The following SYNE2 variants were observed in gnomAD, a reference collection of about 807,000 sequenced individuals.
SYNE2 encodes spectrin repeat containing nuclear envelope protein 2.
SYNE2 carries 431 observed loss-of-function variants against 856.3 expected under a neutral mutation model. The observed-to-expected ratio is 0.50, with a 90% CI of 0.47 to 0.55. SYNE2 has a LOEUF of 0.55. Among genes scored for constraint, SYNE2 ranks in the 20% least tolerant of loss-of-function variants. The pLI is 0.00. For missense variants in SYNE2, 8,129 were observed against 8,023.2 expected (o/e 1.01, Z -0.50); for synonymous variants, 2,923 against 2,872.3 (o/e 1.02, Z -0.56).
chr14:64,000,658 A>G lies in SYNE2; in HGVS notation c.3577A>G (p.Ile1193Val), dbSNP rs372161060. ...GAATGACATAAAAAAGCCTTTTGTA[A>G]TTAAGGAAAGAGACACACTAAAGGA... ...HVNDIKKPFV[I>V]KERDTLKERE... Residue 1193 changes from isoleucine to valine, a missense_variant, in exon 28 of 116, where the codon ATT becomes GTT. Ile to Val is a conservative substitution (Grantham distance 29, BLOSUM62 3). Around this residue, in one of 3 missense-constraint regions of SYNE2, gnomAD observed 2,422 missense variants for 2,357.4 expected, o/e 1.03. Transcript: ENST00000555002. 1.1e-5 allele frequency: 18 copies of G among 1,613,618 alleles called. No individual in the cohort carries two copies. In the Middle Eastern group the frequency reaches 6.6e-4, roughly 59 times the overall value.
In SYNE2 at chr14:63,883,059, T is replaced by G. The variant is rs117725001; in HGVS notation, c.-51-26039T>G. Among the ~76,000 whole-genome samples, 169 of 152,200 alleles carry G rather than the reference T, an allele frequency of 1.1e-3. 2 individuals are homozygous for G. In the South Asian group the frequency reaches 0.016, roughly 15 times the overall value. On this transcript the variant is annotated intron_variant, in intron 1 of 115. Transcript: ENST00000555002. ...ATGCTTCAGTTCTTTCTTTTACATT[T>G]TATTTATTTATTTTTTTGAGATGGA...
intron 65 of SYNE2, among the ~76,000 whole-genome samples, chr14:64,111,684 G>C (rs2097808923): frequency 6.6e-6 from 1 of 152,016 alleles, no homozygotes; most frequent in Non-Finnish European, 1.5e-5. Flanking sequence ...TGTAATCCCA[G>C]TTCCTTGGGA....
chr14:63,994,988 A>T, intron 22 of SYNE2, 56 bp from the exon 23 acceptor site: 1 of 1,158,452 alleles, frequency 8.6e-7, no homozygotes. Context: ...TACTATAAAT[A>T]CTTTTTTGTA....
Position 64,056,086 on chromosome 14 carries a change from C to T in SYNE2, c.9887C>T (p.Pro3296Leu), listed in dbSNP as rs1431711999. 1 of 1,614,156 alleles carries T rather than the reference C, an allele frequency of 6.2e-7. No homozygotes were observed. Residue 3296 changes from proline (P) to leucine (L), a missense_variant, in exon 49 of 116, where the codon CCT becomes CTT. This residue lies in a region of SYNE2 where 5,410 missense variants were observed against 5,284.8 expected (regional missense o/e 1.02). Transcript: ENST00000555002. ...AATCCAGAAGAATCTTTAGAGATGC[C>T]TCTTCGAAAACAAGAGGAATTGGAA... ...VGNPEESLEM[P>L]LRKQEELEST...
At chr14:63,807,855 AT>A (rs1888436231) in intron 1 of SYNE2, among the ~76,000 whole-genome samples, 3 of 104,772 alleles carry the variant, frequency 2.9e-5, no homozygotes, top group South Asian at 7.5e-4. Context: ...ATATATATAT[AT>A]ATATATATAA....
chr14:63,771,124 C>T (rs891526952), intron 1 of SYNE2, among the ~76,000 whole-genome samples: 1 of 145,946 alleles, frequency 6.9e-6, no homozygotes, highest in Non-Finnish European at 1.5e-5. Context: ...GGCGGGAGCG[C>T]AGTGGCGCAA....
chr14:63,765,103 GGA>G (rs1886624077), intron 1 of SYNE2, among the ~76,000 whole-genome samples: 1 of 152,124 alleles, frequency 6.6e-6, no homozygotes, highest in Non-Finnish European at 1.5e-5. Flanking sequence ...TAAGGGTACG[GGA>G]GAGAGGGGGA....
intron 108 of SYNE2, chr14:64,218,149 T>A (rs2098675823): frequency 2.2e-6 from 1 of 458,686 alleles, no homozygotes; most frequent in Non-Finnish European, 4.0e-6. Context: ...CAGACCCTTT[T>A]CTTCCCATCA....
intron 101 of SYNE2, chr14:64,209,149 T>C (rs2098626457): frequency 1.2e-6 from 1 of 848,962 alleles, no homozygotes; most frequent in African/African-American, 1.7e-5. Context: ...CTGTGTGGGG[T>C]GTGGCTGTGG....
intron 8 of SYNE2, among the ~76,000 whole-genome samples, chr14:63,961,204 T>C (rs2096308930): frequency 6.6e-6 from 1 of 152,244 alleles, no homozygotes; most frequent in Non-Finnish European, 1.5e-5. Flanking sequence ...AGGAATGCTT[T>C]ATTTTCTCCT....
At chr14:64,017,956 A>G (rs894193830) in intron 34 of SYNE2, among the ~76,000 whole-genome samples, 200 bp downstream of exon 34, 2 of 152,216 alleles carry the variant, frequency 1.3e-5, no homozygotes, top group Admixed American at 6.5e-5. Context: ...TAGTAAGTCT[A>G]TTGCTAGATC....
At chr14:64,137,404 C>T (rs570352020) in intron 78 of SYNE2, among the ~76,000 whole-genome samples, 56 of 152,176 alleles carry the variant, frequency 3.7e-4, no homozygotes, top group Admixed American at 3.1e-3. Context: ...CATGCGCCAC[C>T]ACACCTAGCT....
intron 30 of SYNE2, among the ~76,000 whole-genome samples, chr14:64,004,618 C>T (rs962235576): frequency 6.6e-6 from 1 of 152,216 alleles, no homozygotes; most frequent in Non-Finnish European, 1.5e-5. Flanking sequence ...GCGTGAGCCA[C>T]CGCGCCTGGC....
upstream of SYNE2, among the ~76,000 whole-genome samples, chr14:63,849,550 A>G (rs1054468980): frequency 3.3e-5 from 5 of 152,210 alleles, no homozygotes; most frequent in African/African-American, 1.2e-4. Context: ...TGCCAAATCT[A>G]GATGGAACCC....
At chr14:64,084,860 C>A (rs1325753923) in intron 57 of SYNE2, 3 of 676,844 alleles carry the variant, frequency 4.4e-6, no homozygotes, top group Non-Finnish European at 8.1e-6. Context: ...ACAAAGGCTG[C>A]AGGCTCATCT....
At chr14:64,117,807 T>A (rs2097863204) in intron 66 of SYNE2, among the ~76,000 whole-genome samples, 1 of 152,316 alleles carries the variant, frequency 6.6e-6, no homozygotes, top group South Asian at 2.1e-4. Context: ...ATACTCAACC[T>A]CTACTAAGTA....
intron 48 of SYNE2, among the ~76,000 whole-genome samples, chr14:64,055,682 T>A (rs1434444280): frequency 1.3e-5 from 2 of 152,174 alleles, no homozygotes; most frequent in Non-Finnish European, 2.9e-5. Context: ...ACAACTTTTT[T>A]AATACAATGT....
intron 45 of SYNE2, among the ~76,000 whole-genome samples, chr14:64,031,946 A>G (rs2097039960): frequency 6.6e-6 from 1 of 152,212 alleles, no homozygotes; most frequent in Admixed American, 6.5e-5. Context: ...CATAGGTTAC[A>G]GATTGAAATG....
chr14:63,906,587 GT>G (rs2095412685), intron 1 of SYNE2, among the ~76,000 whole-genome samples: 2 of 152,074 alleles, frequency 1.3e-5, no homozygotes, highest in South Asian at 4.2e-4. Flanking sequence ...GATTTTCTAA[GT>G]TGTGTGCATA....
Sources: gnomAD v4.1 joint callset for allele counts (sites outside exome capture counted in the v4.1 genomes callset) on GRCh38, gnomAD v4.1.1 for gene constraint, gnomAD v4.1.1 regional missense constraint, MANE v1.5 for transcripts, NCBI Gene and HGNC (gene_info 2026-07-23, HGNC 2026-07-21) for gene names.